TAOK1: variants seen among roughly 807,000 people sequenced by gnomAD.
TAOK1 encodes TAO kinase 1.
In TAOK1, 21 loss-of-function variants were observed where a neutral mutation model predicts 138.3. The observed-to-expected ratio is 0.15, with a 90% CI of 0.11 to 0.22. The LOEUF is 0.22. Ranked by LOEUF, TAOK1 falls within the 10% of genes least tolerant of loss-of-function variation. The pLI is 1.00. For missense variants in TAOK1, 651 were observed against 1,227.7 expected (o/e 0.53, Z 7.02); for synonymous variants, 361 against 398.4 (o/e 0.91, Z 1.12).
intron 10 of TAOK1, 102 bp from the exon 11 acceptor site, chr17:29,495,458 A>T: frequency 1.1e-6 from 1 of 913,418 alleles, no homozygotes; most frequent in Non-Finnish European, 1.6e-6. Context: ...GCTATAGATT[A>T]CATGCATTAT....
At chr17:29,481,196 CTTTT>C (rs35861778) in intron 7 of TAOK1, among the ~76,000 whole-genome samples, 1,471 of 142,872 alleles carry the variant, frequency 0.01, 13 homozygotes, top group Non-Finnish European at 0.015. Context: ...AAAAATTAGA[CTTTT>C]TTTTTTTTTT....
In TAOK1 at chr17:29,441,480, T is replaced by G. The variant is rs1351272920; in HGVS notation, c.-94-9975T>G. 2.0e-5 allele frequency among the ~76,000 whole-genome samples: 3 copies of G among 152,244 alleles called. No individual in the cohort carries two copies. The East Asian group carries it at 5.8e-4, about 29-fold the overall frequency. ...GTCAATTTAGTCTGTTGAAATGTTC[T>G]GTTTTCTTGAGTTAGTTTTGGTAGT... On this transcript the variant is annotated intron_variant, in intron 1 of 19. Transcript: ENST00000261716.
At chr17:29,494,347 C>T (rs750766557) in intron 10 of TAOK1, among the ~76,000 whole-genome samples, 1 of 151,802 alleles carries the variant, frequency 6.6e-6, no homozygotes, top group South Asian at 2.1e-4. Flanking sequence ...CCCCACCCCC[C>T]AAAAAATAAA....
At chr17:29,444,572 T>C (rs2030029446) in intron 1 of TAOK1, among the ~76,000 whole-genome samples, 1 of 152,200 alleles carries the variant, frequency 6.6e-6, no homozygotes, top group South Asian at 2.1e-4. Flanking sequence ...ACATAGGTGT[T>C]ATTGGATCTT....
At chr17:29,456,673 C>T (rs1021135164) in intron 2 of TAOK1, among the ~76,000 whole-genome samples, 4 of 150,568 alleles carry the variant, frequency 2.7e-5, no homozygotes, top group Non-Finnish European at 5.9e-5. Context: ...CTTCTGGTCC[C>T]AAGCATTTTG....
At chr17:29,457,195 G>A (rs1264452098) in intron 2 of TAOK1, among the ~76,000 whole-genome samples, 1 of 144,242 alleles carries the variant, frequency 6.9e-6, no homozygotes, top group African/African-American at 2.7e-5. Context: ...TGCCTCCTGG[G>A]TTCAAGCACC....
chr17:29,551,586 T>TC lies in TAOK1; in HGVS notation c.*8567dup, dbSNP rs1263790357. On this transcript the variant is annotated 3_prime_UTR_variant, in exon 20 of 20. Transcript: ENST00000261716. ...AGGGTTGCATTGGGGAAGAAGCCTC[T>TC]CCCTCTCTGTCAGCACCAGCTGGTA... 1 of 152,660 alleles carries TC rather than the reference T, an allele frequency of 6.6e-6. No homozygotes were observed. The highest frequency in any genetic ancestry group is 1.5e-5 in the Non-Finnish European group (1 of 68,040). The allele number at this position is 152,660 out of a possible 1,614,324, so 9.5% of individuals were successfully genotyped here.
In TAOK1 at chr17:29,548,487, G is replaced by A. The variant is rs1598536488; in HGVS notation, c.*5465G>A. 1 of 152,010 alleles carries A rather than the reference G, an allele frequency of 6.6e-6. No homozygotes were observed. Among genetic ancestry groups the A allele is most frequent in the East Asian group, 1.9e-4 (1 of 5,178 alleles). The allele number at this position is 152,010 out of a possible 1,614,324, so 9.4% of individuals were successfully genotyped here. A position where few individuals can be genotyped will look rare whatever the true frequency, so the allele number is the denominator to read the frequency against. On this transcript the variant is annotated 3_prime_UTR_variant, in exon 20 of 20. Coordinates refer to ENST00000261716, the MANE Select transcript of TAOK1 (RefSeq NM_020791.4). Reference sequence around the variant, plus strand: ...AAGGAATTCTTTAAATAGAGAAAAAGGTTAATCCTCACTGAAACACCAGGA... The same window carrying A: ...AAGGAATTCTTTAAATAGAGAAAAAAGTTAATCCTCACTGAAACACCAGGA...
intron 17 of TAOK1, among the ~76,000 whole-genome samples, chr17:29,524,040 G>A (rs982842936): frequency 6.6e-6 from 1 of 152,098 alleles, no homozygotes; most frequent in African/African-American, 2.4e-5. Flanking sequence ...ACAAAATACA[G>A]AAACAATGTT....
intron 1 of TAOK1, among the ~76,000 whole-genome samples, chr17:29,448,257 T>A (rs548400161): frequency 3.3e-5 from 5 of 152,152 alleles, no homozygotes; most frequent in African/African-American, 1.2e-4. Flanking sequence ...AAAGGTATAA[T>A]TTTTCTCTCA....
Position 29,508,251 on chromosome 17 carries a change from G to A in TAOK1, c.1575+119G>A, listed in dbSNP as rs981264769. 7.4e-6 allele frequency: 6 copies of A among 813,922 alleles called. No homozygotes were observed. The African/African-American group carries it at 8.6e-5, about 12-fold the overall frequency. The allele number at this position is 813,922 out of a possible 1,614,324, so 50.4% of individuals were successfully genotyped here. A position where few individuals can be genotyped will look rare whatever the true frequency, so the allele number is the denominator to read the frequency against. ...CGTGAACCAAGCAAATTGGGGAAAAGGAGAAGCATTTATGTGACTTATATA... is the reference window on the plus strand; with the variant it reads ...CGTGAACCAAGCAAATTGGGGAAAAAGAGAAGCATTTATGTGACTTATATA... On this transcript the variant is annotated intron_variant, in intron 14 of 19. Coordinates refer to ENST00000261716, the MANE Select transcript of TAOK1 (RefSeq NM_020791.4).
Position 29,548,382 on chromosome 17 carries a change from A to G in TAOK1, c.*5360A>G, listed in dbSNP as rs760008795. ...ACTGTTAACTGTTTCCCAGCAATCT[A>G]AACTTTTTGAAGTTTCAGAGGTGTA... On this transcript the variant is annotated 3_prime_UTR_variant, in exon 20 of 20. Coordinates refer to ENST00000261716, the MANE Select transcript of TAOK1 (RefSeq NM_020791.4). The G allele has an allele frequency of 6.6e-6, 1 of 152,074 alleles. No homozygotes were observed. Among genetic ancestry groups the G allele is most frequent in the African/African-American group, 2.4e-5 (1 of 41,422 alleles). 9.4% of individuals were successfully genotyped at this position (152,074 alleles called of 1,614,324 possible).
At chr17:29,420,655 G>A (rs1336661903) in intron 1 of TAOK1, among the ~76,000 whole-genome samples, 6 of 141,810 alleles carry the variant, frequency 4.2e-5, no homozygotes, top group Admixed American at 7.5e-5. Flanking sequence ...GCACGATCTC[G>A]GGTCACTGCA....
At chr17:29,392,438 A>G (rs1316634160) in intron 1 of TAOK1, among the ~76,000 whole-genome samples, 1 of 151,896 alleles carries the variant, frequency 6.6e-6, no homozygotes, top group African/African-American at 2.4e-5. Flanking sequence ...GTCATTTTTC[A>G]CTTCTTTTGC....
At chr17:29,535,375 A>G (rs939250808) in intron 19 of TAOK1, among the ~76,000 whole-genome samples, 1 of 152,162 alleles carries the variant, frequency 6.6e-6, no homozygotes, top group Non-Finnish European at 1.5e-5. Context: ...TCAGAGATAC[A>G]TTCCAGAACT....
rs2032451014 is a variant in TAOK1, at chr17:29,549,272, T to C, written c.*6250T>C. 6.6e-6 allele frequency: 1 copy of C among 152,228 alleles called. No homozygotes were observed. Among genetic ancestry groups the C allele is most frequent in the Non-Finnish European group, 1.5e-5 (1 of 68,016 alleles). 9.4% of individuals were successfully genotyped at this position (152,228 alleles called of 1,614,324 possible). On this transcript the variant is annotated 3_prime_UTR_variant, in exon 20 of 20. Coordinates refer to ENST00000261716, the MANE Select transcript of TAOK1 (RefSeq NM_020791.4). ...GCCTTGTAGCCAAAGTATTAAAGGC[T>C]GATGAACATAGACAAGGGAAATGCA...
chr17:29,459,030 A>G (rs2030468045), intron 2 of TAOK1, among the ~76,000 whole-genome samples: 1 of 151,880 alleles, frequency 6.6e-6, no homozygotes, highest in Admixed American at 6.6e-5. Context: ...TAATTTTTGT[A>G]TTTTTACTAG....
At chr17:29,393,956 T>C (rs1799385865) in intron 1 of TAOK1, among the ~76,000 whole-genome samples, 2 of 151,862 alleles carry the variant, frequency 1.3e-5, no homozygotes, top group Admixed American at 6.6e-5. Flanking sequence ...TTGGGAGAAG[T>C]GAGGATATGG....
At chr17:29,493,206 T>TAAGAATGG (rs1410212806) in intron 10 of TAOK1, among the ~76,000 whole-genome samples, 1 of 146,382 alleles carries the variant, frequency 6.8e-6, no homozygotes, top group Non-Finnish European at 1.5e-5. Flanking sequence ...AAAGAAAAAG[T>TAAGAATGG]AAGAATGGCC....
Sources: gnomAD v4.1 joint callset for allele counts (sites outside exome capture counted in the v4.1 genomes callset) on GRCh38, gnomAD v4.1.1 for gene constraint, MANE v1.5 for transcripts, NCBI Gene and HGNC (gene_info 2026-07-23, HGNC 2026-07-21) for gene names.